Variants in CHSY3 observed in about 807,000 individuals in gnomAD.
The protein encoded by CHSY3 is N-acetylgalactosaminyl-proteoglycan 3-beta-glucuronosyltransferase 3.
In CHSY3, 35 loss-of-function variants were observed where a neutral mutation model predicts 67.2. That is an observed-to-expected ratio of 0.52 (90% CI 0.40 to 0.69). The LOEUF (loss-of-function observed/expected upper bound fraction) is 0.69, where lower values mean the gene tolerates loss of function less well. Ranked by LOEUF, CHSY3 falls within the 30% of genes least tolerant of loss-of-function variation. The pLI, the probability that CHSY3 is intolerant of heterozygous loss-of-function variation, is 0.00. For synonymous variants in CHSY3, 474 were observed against 434.7 expected (o/e 1.09, Z -1.12); for missense variants, 1,069 against 1,138.5 (o/e 0.94, Z 0.88).
intron 2 of CHSY3, among the ~76,000 whole-genome samples, chr5:129,990,219 T>C (rs1217857335): frequency 6.6e-6 from 1 of 152,228 alleles, no homozygotes; most frequent in African/African-American, 2.4e-5. Flanking sequence ...AAACTTCTGG[T>C]AGCAAATCCT....
chr5:129,922,509 C>G (rs1760958186), intron 2 of CHSY3, among the ~76,000 whole-genome samples: 1 of 152,100 alleles, frequency 6.6e-6, no homozygotes, highest in African/African-American at 2.4e-5. Flanking sequence ...TATTTTTGAT[C>G]TTTTCATAAT....
chr5:130,066,843 C>T (rs954676807), intron 2 of CHSY3, among the ~76,000 whole-genome samples: 55 of 152,174 alleles, frequency 3.6e-4, no homozygotes, highest in African/African-American at 1.3e-3. Context: ...CTTCAGGATC[C>T]GGGGTCTGTC....
intron 2 of CHSY3, among the ~76,000 whole-genome samples, chr5:130,178,300 G>A (rs1770139643): frequency 7.8e-6 from 1 of 128,628 alleles, no homozygotes; most frequent in Non-Finnish European, 1.6e-5. Context: ...CTGTCACCCA[G>A]GCTGGAGTGC....
At chr5:130,056,412 C>T (rs1214279271) in intron 2 of CHSY3, among the ~76,000 whole-genome samples, 1 of 152,090 alleles carries the variant, frequency 6.6e-6, no homozygotes, top group African/African-American at 2.4e-5. Context: ...GCTTAAAGAG[C>T]TTTGATAGAA....
chr5:130,012,747 G>A (rs192469308), intron 2 of CHSY3, among the ~76,000 whole-genome samples: 1 of 152,082 alleles, frequency 6.6e-6, no homozygotes, highest in Admixed American at 6.6e-5. Flanking sequence ...TGTAATTCAA[G>A]ATGAGATTTG....
At chr5:129,974,810 T>G (rs923703217) in intron 2 of CHSY3, 1 of 152,154 alleles carries the variant, frequency 6.6e-6, no homozygotes, top group African/African-American at 2.4e-5. Flanking sequence ...GGATCTAAAT[T>G]GATTTTTACA....
At chr5:130,048,613 C>A (rs1765226668) in intron 2 of CHSY3, among the ~76,000 whole-genome samples, 1 of 151,982 alleles carries the variant, frequency 6.6e-6, no homozygotes, top group Non-Finnish European at 1.5e-5. Flanking sequence ...GAAACAACTT[C>A]CAGATCTGTG....
chr5:130,020,455 ATATATATTTTT>A (rs1223925217), intron 2 of CHSY3, among the ~76,000 whole-genome samples: 13 of 3,302 alleles, frequency 3.9e-3, no homozygotes, highest in African/African-American at 0.011. Flanking sequence ...ATATATATAT[ATATATATTTTT>A]TTTTTTTTTT....
chr5:130,089,582 A>G (rs1301076692), intron 2 of CHSY3, among the ~76,000 whole-genome samples: 1 of 152,118 alleles, frequency 6.6e-6, no homozygotes, highest in Non-Finnish European at 1.5e-5. Context: ...TTGTGACAGG[A>G]GAAACACAAG....
chr5:130,048,152 C>T (rs1292805528), intron 2 of CHSY3, among the ~76,000 whole-genome samples: 1 of 151,982 alleles, frequency 6.6e-6, no homozygotes, highest in African/African-American at 2.4e-5. Flanking sequence ...CTGAGTTCTA[C>T]TCTTCTGCCC....
chr5:130,184,238 C>T lies in CHSY3; in HGVS notation c.1096C>T (p.Leu366=). 6.5e-7 allele frequency: 1 copy of T among 1,535,328 alleles called. No homozygotes were observed. Among genetic ancestry groups the T allele is most frequent in the South Asian group, 1.3e-5 (1 of 75,496 alleles). Residue 366 remains leucine (L), a synonymous_variant, in exon 3 of 3, where the codon CTG becomes TTG. Coordinates refer to ENST00000305031, the MANE Select transcript of CHSY3 (RefSeq NM_175856.5). The part of the protein sequence containing the change: ...QCVWSYEMQQ[L]FHENYEHNRK... ...TAATTTTACTTTTCAGATGCAACAACTGTTCCATGAAAATTATGAACACAA... is the reference window on the plus strand; with the variant it reads ...TAATTTTACTTTTCAGATGCAACAATTGTTCCATGAAAATTATGAACACAA...
chr5:130,018,075 C>T (rs191437994), intron 2 of CHSY3, among the ~76,000 whole-genome samples: 352 of 152,096 alleles, frequency 2.3e-3, no homozygotes, highest in African/African-American at 7.5e-3. Context: ...TCTTTAGGTT[C>T]TTTTGTTTTT....
At chr5:129,973,386 GT>G (rs1762701891) in intron 2 of CHSY3, among the ~76,000 whole-genome samples, 1 of 151,952 alleles carries the variant, frequency 6.6e-6, no homozygotes, top group African/African-American at 2.4e-5. Flanking sequence ...AATTTTGCCT[GT>G]TTTTATGTGT....
intron 2 of CHSY3, among the ~76,000 whole-genome samples, chr5:130,005,278 G>A (rs1254932813): frequency 1.3e-5 from 2 of 151,952 alleles, no homozygotes; most frequent in Admixed American, 1.3e-4. Context: ...AGCTGGGCAT[G>A]GTGGCATGAG....
At chr5:130,151,903 T>G (rs1173335436) in intron 2 of CHSY3, among the ~76,000 whole-genome samples, 1 of 152,174 alleles carries the variant, frequency 6.6e-6, no homozygotes, top group African/African-American at 2.4e-5. Flanking sequence ...CAGGCAAAAT[T>G]CATCCCCTCA....
intron 2 of CHSY3, among the ~76,000 whole-genome samples, chr5:130,007,847 C>G (rs1046020892): frequency 3.9e-5 from 6 of 152,168 alleles, no homozygotes; most frequent in Non-Finnish European, 8.8e-5. Context: ...TGAATACCCC[C>G]TTGTCTGCCA....
At chr5:130,054,424 C>A (rs1333160310) in intron 2 of CHSY3, among the ~76,000 whole-genome samples, 1 of 152,124 alleles carries the variant, frequency 6.6e-6, no homozygotes, top group African/African-American at 2.4e-5. Context: ...TCTATATGCT[C>A]ATCTTTAGAA....
intron 2 of CHSY3, among the ~76,000 whole-genome samples, chr5:130,096,556 A>T (rs1012217993): frequency 6.6e-6 from 1 of 152,200 alleles, no homozygotes; most frequent in Admixed American, 6.5e-5. Flanking sequence ...GCTGTGAAGG[A>T]TGTATGGGAA....
chr5:130,163,937 G>A (rs1769644731), intron 2 of CHSY3, among the ~76,000 whole-genome samples: 1 of 152,168 alleles, frequency 6.6e-6, no homozygotes. Flanking sequence ...GGAATGAGTA[G>A]CATTCAGATT....
Sources: gnomAD v4.1 joint callset for allele counts (sites outside exome capture counted in the v4.1 genomes callset) on GRCh38, gnomAD v4.1.1 for gene constraint, MANE v1.5 for transcripts, NCBI Gene and HGNC (gene_info 2026-07-23, HGNC 2026-07-21) for gene names.